The following GATAD2B variants were observed in gnomAD, a reference collection of about 807,000 sequenced individuals.
The protein encoded by GATAD2B is transcriptional repressor p66-beta.
Under a neutral mutation model 64.3 loss-of-function variants are expected in GATAD2B, and 8 were observed. That is an observed-to-expected ratio of 0.12 (90% confidence interval 0.07 to 0.22). GATAD2B has a LOEUF of 0.22. Among genes scored for constraint, GATAD2B ranks in the 10% least tolerant of loss-of-function variants. The pLI is 1.00. For synonymous variants in GATAD2B, 281 were observed against 271.3 expected (o/e 1.04, Z -0.35); for missense variants, 453 against 752.0 (o/e 0.60, Z 4.65).
At chr1:153,819,855 T>A (rs546909428) in intron 2 of GATAD2B, 120 bp from the exon 3 acceptor site, 6 of 742,168 alleles carry the variant, frequency 8.1e-6, no homozygotes, top group Non-Finnish European at 1.2e-5. Flanking sequence ...TCCTAGCACT[T>A]TGGGAGACCG....
intron 1 of GATAD2B, among the ~76,000 whole-genome samples, chr1:153,847,893 G>A (rs1475255866): frequency 6.6e-6 from 1 of 151,968 alleles, no homozygotes; most frequent in East Asian, 1.9e-4. Flanking sequence ...CTTATATAAC[G>A]AGTTAATTTG....
At chr1:153,847,393 A>G (rs2101907123) in intron 1 of GATAD2B, among the ~76,000 whole-genome samples, 1 of 152,242 alleles carries the variant, frequency 6.6e-6, no homozygotes. Flanking sequence ...AAAAAAGACC[A>G]CATCTTTTTG....
intron 1 of GATAD2B, among the ~76,000 whole-genome samples, chr1:153,863,581 T>C (rs756197584): frequency 2.1e-4 from 32 of 151,692 alleles, no homozygotes; most frequent in South Asian, 4.2e-4. Context: ...AGGAGTTAGC[T>C]ACATTTTTCC....
intron 5 of GATAD2B, 122 bp from the exon 6 acceptor site, chr1:153,817,664 GC>G: frequency 1.6e-6 from 1 of 619,324 alleles, no homozygotes; most frequent in Non-Finnish European, 2.6e-6. Flanking sequence ...CAGGAACACA[GC>G]CAGACTTGGT....
At chr1:153,877,591 GA>G (rs563313736) in intron 1 of GATAD2B, among the ~76,000 whole-genome samples, 73 of 151,706 alleles carry the variant, frequency 4.8e-4, no homozygotes, top group African/African-American at 1.7e-3. Flanking sequence ...AAAAATAAAG[GA>G]TATAGCTGGA....
chr1:153,907,637 A>ATT (rs531249482), intron 1 of GATAD2B, among the ~76,000 whole-genome samples: 32 of 141,764 alleles, frequency 2.3e-4, no homozygotes, highest in Non-Finnish European at 2.6e-4. Context: ...AAAAGGGTAA[A>ATT]TTTTTTTTTT....
rs1002739144 is a variant in GATAD2B, at chr1:153,852,465, C to T, written c.-1-24117G>A. 16 of 756,518 alleles carry T rather than the reference C, an allele frequency of 2.1e-5. 1 individual carries two copies. Among genetic ancestry groups the T allele is most frequent in the Non-Finnish European group, 3.7e-5 (15 of 405,818 alleles). 46.9% of individuals were successfully genotyped at this position (756,518 alleles called of 1,614,324 possible). The stretch of plus-strand genomic sequence containing the variant: ...GGTCTGGAGCTGCTAAGTCAGGTTG[C>T]AGGCAATAGCAAGAGTACGTGACTC... On this transcript the variant is annotated intron_variant, in intron 1 of 10. Transcript: ENST00000368655.
At chr1:153,823,738 GT>G (rs1332087110) in intron 2 of GATAD2B, among the ~76,000 whole-genome samples, 1 of 141,614 alleles carries the variant, frequency 7.1e-6, no homozygotes, top group African/African-American at 2.6e-5. Context: ...TTTTTTGTTT[GT>G]TTTTTTTTTG....
chr1:153,882,941 G>C (rs1028068212), intron 1 of GATAD2B, among the ~76,000 whole-genome samples: 1 of 152,186 alleles, frequency 6.6e-6, no homozygotes, highest in African/African-American at 2.4e-5. Context: ...AAGGGCAATG[G>C]TAATTGTTTT....
intron 1 of GATAD2B, among the ~76,000 whole-genome samples, chr1:153,904,428 A>T (rs1196903630): frequency 1.3e-5 from 2 of 152,192 alleles, no homozygotes; most frequent in Non-Finnish European, 2.9e-5. Context: ...TTTTCACTCT[A>T]TATCTTAATT....
Position 153,813,421 on chromosome 1 carries a change from T to G in GATAD2B, c.1248A>C (p.Glu416Asp). 1 of 1,613,990 alleles carries G rather than the reference T, an allele frequency of 6.2e-7. No homozygotes were observed. Residue 416 changes from glutamate to aspartate, a missense_variant, in exon 8 of 11, where the codon GAA becomes GAC. By Grantham distance (45) the Glu-to-Asp change is conservative. Around this residue, in one of 2 missense-constraint regions of GATAD2B, gnomAD observed 160 missense variants for 334.7 expected, o/e 0.48. Transcript: ENST00000368655. ...GKSCASLLRV[E>D]PFVCAQCRTD... ...TGCGGCACTGGGCACATACAAAGGG[T>G]TCAACCCGCAGAAGTGAGGCACAGC...
chr1:153,891,249 G>A (rs1017697895), intron 1 of GATAD2B, among the ~76,000 whole-genome samples: 3 of 148,708 alleles, frequency 2.0e-5, no homozygotes, highest in Admixed American at 6.8e-5. Flanking sequence ...AAAGAAAGAG[G>A]TGAAAAAAAA....
rs35262137 is a variant in GATAD2B, at chr1:153,839,108, C to CAAAAAAAAAAAA, written c.-1-10772_-1-10761dup. 2.3e-3 allele frequency among the ~76,000 whole-genome samples: 183 copies of CAAAAAAAAAAAA among 78,556 alleles called. 6 individuals carry two copies. Among genetic ancestry groups the CAAAAAAAAAAAA allele is most frequent in the South Asian group, 5.1e-3 (10 of 1,956 alleles). 51.5% of individuals were successfully genotyped at this position (78,556 alleles called of 152,430 possible). On this transcript the variant is annotated intron_variant, in intron 1 of 10. Transcript: ENST00000368655. Reference sequence around the variant, plus strand: ...TGGGTGACAGAACGAGACCCTGTCTCAAAAAAAAAAAAAAAAAAAAAAAAA... The same window carrying CAAAAAAAAAAAA: ...TGGGTGACAGAACGAGACCCTGTCTCAAAAAAAAAAAAAAAAAAAAAAAAAAAAAAAAAAAAA...
intron 1 of GATAD2B, among the ~76,000 whole-genome samples, chr1:153,846,555 TTC>T (rs1333019437): frequency 1.3e-3 from 188 of 146,562 alleles, no homozygotes; most frequent in African/African-American, 4.1e-3. Flanking sequence ...GTTCTTTGCG[TTC>T]TTTTTTTTTT....
rs917521690 is a variant in GATAD2B, at chr1:153,807,201, G to T, written c.*2976C>A. On this transcript the variant is annotated 3_prime_UTR_variant, in exon 11 of 11. Coordinates refer to ENST00000368655, the MANE Select transcript of GATAD2B (RefSeq NM_020699.4). ...GGAGGAAGCCAGGCAGAACTGGTGG[G>T]ATCCTCACTCTACTAATAATGCTCC... The T allele has an allele frequency of 6.6e-6, 1 of 152,166 alleles. No individual in the cohort carries two copies. The highest frequency in any genetic ancestry group is 1.5e-5 in the Non-Finnish European group (1 of 68,030). 9.4% of individuals were successfully genotyped at this position (152,166 alleles called of 1,614,324 possible).
At chr1:153,872,553 C>CA (rs556951338) in intron 1 of GATAD2B, among the ~76,000 whole-genome samples, 42,891 of 143,008 alleles carry the variant, frequency 0.3, 6,319 homozygotes, top group Admixed American at 0.39. Context: ...TACATAATAT[C>CA]AAAAAAAAAA....
intron 1 of GATAD2B, among the ~76,000 whole-genome samples, chr1:153,833,079 CA>C (rs1479886669): frequency 2.6e-5 from 4 of 152,104 alleles, no homozygotes; most frequent in Admixed American, 6.6e-5. Context: ...TAGTAGTGCA[CA>C]CCAGTAGTCT....
Position 153,816,939 on chromosome 1 carries a change from G to A in GATAD2B, c.901-351C>T. 6.6e-6 allele frequency among the ~76,000 whole-genome samples: 1 copy of A among 152,058 alleles called. No individual in the cohort carries two copies. Among genetic ancestry groups the A allele is most frequent in the Non-Finnish European group, 1.5e-5 (1 of 68,008 alleles). ...TCTCTACGAAAAATACACAAAATTAGCTGGAAATTCCTTGAACCCAGGAGG... is the reference window on the plus strand; with the variant it reads ...TCTCTACGAAAAATACACAAAATTAACTGGAAATTCCTTGAACCCAGGAGG... On this transcript the variant is annotated intron_variant, in intron 6 of 10. Transcript: ENST00000368655. This position sits in a 1 kb window ranked among gnomAD's most constrained non-coding sequence, Gnocchi z 4.9.
chr1:153,855,850 T>G (rs1426409415), intron 1 of GATAD2B, among the ~76,000 whole-genome samples: 3 of 152,032 alleles, frequency 2.0e-5, no homozygotes, highest in African/African-American at 7.2e-5. Context: ...GCCCAGCTAA[T>G]TTTTGTATTT....
Sources: allele counts gnomAD v4.1 joint callset (sites outside exome capture counted in the v4.1 genomes callset), GRCh38; gene constraint gnomAD v4.1.1; regional missense constraint gnomAD v4.1.1; non-coding constraint Gnocchi (gnomAD v3.1); transcripts MANE v1.5; gene names NCBI Gene and HGNC (gene_info 2026-07-23, HGNC 2026-07-21).